The following DNAJC6 variants were observed in gnomAD, a reference collection of about 807,000 sequenced individuals.
DNAJC6 encodes auxilin.
A neutral mutation model predicts 110.0 loss-of-function variants in DNAJC6; 34 were observed. The ratio of observed to expected loss-of-function variants is 0.31; its 90% CI spans 0.24 to 0.41. DNAJC6 has a LOEUF of 0.41. DNAJC6 is among the 10% of genes least tolerant of loss of function. DNAJC6 has a pLI of 1.00. For missense variants in DNAJC6, 1,031 were observed against 1,207.8 expected, an observed-to-expected ratio of 0.85 and a Z score of 2.17; for synonymous variants, 406 against 437.2, an observed-to-expected ratio of 0.93 and a Z score of 0.89.
chr1:65,309,986 G>A (rs1352623677), intron 1 of DNAJC6, 48 bp downstream of exon 1: 41 of 1,362,662 alleles, frequency 3.0e-5, no homozygotes, highest in Non-Finnish European at 3.8e-5. Context: ...CGCGGCCTCC[G>A]GAGCCTCCCA....
intron 13 of DNAJC6, among the ~76,000 whole-genome samples, chr1:65,395,792 C>T (rs1352728942): frequency 6.6e-6 from 1 of 152,054 alleles, no homozygotes; most frequent in African/African-American, 2.4e-5. Flanking sequence ...ATGTTAGAGA[C>T]TTAGGTTGTA....
chr1:65,281,793 A>G (rs11208620), intron 1 of DNAJC6, among the ~76,000 whole-genome samples: 4,127 of 152,124 alleles, frequency 0.027, 186 homozygotes, highest in African/African-American at 0.094. Flanking sequence ...TATTTTTAGT[A>G]GAAATGGGGT....
intron 1 of DNAJC6, among the ~76,000 whole-genome samples, chr1:65,311,934 C>A (rs945514777): frequency 6.6e-6 from 1 of 152,042 alleles, no homozygotes; most frequent in Admixed American, 6.5e-5. Context: ...ATCCTTCTGG[C>A]CTCTAGGGGA....
chr1:65,327,000 G>T (rs79164368), intron 1 of DNAJC6, among the ~76,000 whole-genome samples: 1 of 152,194 alleles, frequency 6.6e-6, no homozygotes, highest in African/African-American at 2.4e-5. Flanking sequence ...TGGCCCTCAA[G>T]TTGCTCTTTT....
intron 1 of DNAJC6, 94 bp downstream of exon 1, chr1:65,310,032 C>T (rs1475139550): frequency 1.2e-5 from 16 of 1,349,708 alleles, no homozygotes; most frequent in African/African-American, 3.1e-5. Context: ...GGTCCCCCAG[C>T]CCCGGTTTGC....
At chr1:65,292,173 C>A (rs1202465107) in intron 1 of DNAJC6, among the ~76,000 whole-genome samples, 1 of 151,926 alleles carries the variant, frequency 6.6e-6, no homozygotes, top group Non-Finnish European at 1.5e-5. Flanking sequence ...CCTGCCACCA[C>A]ACCTGGCTAA....
intron 1 of DNAJC6, among the ~76,000 whole-genome samples, chr1:65,296,822 G>A (rs1032027180): frequency 6.6e-6 from 1 of 151,904 alleles, no homozygotes; most frequent in Non-Finnish European, 1.5e-5. Flanking sequence ...TCCTGACCTC[G>A]TGATCCACCT....
At position 65,379,446 on chromosome 1, in the gene DNAJC6, C is replaced by T; in HGVS notation, c.588C>T (p.His196=). 6.2e-7 allele frequency: 1 copy of T among 1,614,118 alleles called. No individual in the cohort carries two copies. Among genetic ancestry groups the T allele is most frequent in the Non-Finnish European group, 8.5e-7 (1 of 1,179,988 alleles). ...CCATTAGGCAGGCTCCCAGTCTGCA[C>T]AACCTTTTTGCTGTGTGTCGGAATA... ...SWPIRQAPSL[H]NLFAVCRNMY... The change falls in exon 5 of 19, where the codon CAC becomes CAT. Residue 196 remains histidine, a synonymous_variant. Transcript: ENST00000371069.
rs773538837 is a variant in DNAJC6 at position 65,264,944 on chromosome 1, A to G, written c.-131+12A>G. 3 of 1,612,604 alleles carry G rather than the reference A, an allele frequency of 1.9e-6. No individual in the cohort carries two copies. In the African/African-American group the frequency reaches 4.0e-5, roughly 22 times the overall value. On this transcript the variant is annotated intron_variant, in intron 1 of 19. Transcript: ENST00000263441. ...TTCTGAAAATAAAGGTAAGGGGCGGACTGCAGAAAGATGGCTAAGAGAGGG... is the reference window on the plus strand; with the variant it reads ...TTCTGAAAATAAAGGTAAGGGGCGGGCTGCAGAAAGATGGCTAAGAGAGGG...
chr1:65,389,201 T>A, intron 9 of DNAJC6, 55 bp from the exon 10 acceptor site: 1 of 1,515,198 alleles, frequency 6.6e-7, no homozygotes, highest in Non-Finnish European at 9.0e-7. Flanking sequence ...GTGCCAAACA[T>A]CATACCAGTT....
chr1:65,277,859 G>A (rs1158606725), intron 1 of DNAJC6, among the ~76,000 whole-genome samples: 8 of 152,188 alleles, frequency 5.3e-5, no homozygotes, highest in South Asian at 2.1e-4. Flanking sequence ...TCGAAGAGAC[G>A]TCTGGCTCTG....
At chr1:65,379,772 A>G (rs1404367873) in intron 5 of DNAJC6, 1 of 342,276 alleles carries the variant, frequency 2.9e-6, no homozygotes, top group African/African-American at 2.1e-5. Context: ...GAATGTGCTA[A>G]GTATTATAAA....
chr1:65,307,576 G>T (rs146889001), upstream of DNAJC6, among the ~76,000 whole-genome samples: 1 of 152,054 alleles, frequency 6.6e-6, no homozygotes, highest in Non-Finnish European at 1.5e-5. Context: ...ACTGAGGCTG[G>T]TTCTAAATTC....
Position 65,388,540 on chromosome 1 carries a change from T to A in DNAJC6, c.1193+125T>A. On this transcript the variant is annotated intron_variant, in intron 9 of 18. Transcript: ENST00000371069. ...TGCTGAACTACTGAGTGTCACTCAG[T>A]AGCACAGAGAGGCTGTGGGCATTCT... 4 of 842,234 alleles carry A rather than the reference T, an allele frequency of 4.7e-6. 1 individual carries two copies. The highest frequency in any genetic ancestry group is 5.9e-6 in the Non-Finnish European group (3 of 505,010). The allele number at this position is 842,234 out of a possible 1,614,324, so 52.2% of individuals were successfully genotyped here.
chr1:65,311,710 G>A (rs1645103659), intron 1 of DNAJC6, among the ~76,000 whole-genome samples: 1 of 152,120 alleles, frequency 6.6e-6, no homozygotes, highest in South Asian at 2.1e-4. Flanking sequence ...CAATTGAAAT[G>A]AAAACAAACA....
chr1:65,331,931 T>C (rs1169737524), intron 1 of DNAJC6, among the ~76,000 whole-genome samples: 1 of 152,180 alleles, frequency 6.6e-6, no homozygotes, highest in Non-Finnish European at 1.5e-5. Flanking sequence ...CACATTGTTA[T>C]GATACCAAGC....
At chr1:65,400,974 T>A (rs1373461331) in intron 14 of DNAJC6, among the ~76,000 whole-genome samples, 1 of 152,196 alleles carries the variant, frequency 6.6e-6, no homozygotes, top group Non-Finnish European at 1.5e-5. Flanking sequence ...TCTACATCCT[T>A]GCCAACATGT....
intron 1 of DNAJC6, among the ~76,000 whole-genome samples, chr1:65,302,023 A>T (rs1644984137): frequency 6.7e-6 from 1 of 148,796 alleles, no homozygotes; most frequent in Non-Finnish European, 1.5e-5. Flanking sequence ...GGTTTTGTTT[A>T]CTATGTCGAG....
intron 1 of DNAJC6, among the ~76,000 whole-genome samples, chr1:65,318,931 G>T (rs577668387): frequency 6.6e-6 from 1 of 152,304 alleles, no homozygotes; most frequent in South Asian, 2.1e-4. Context: ...TAGGAGGAAG[G>T]GGAGGGGTGT....
Sources: gnomAD v4.1 joint callset for allele counts (sites outside exome capture counted in the v4.1 genomes callset) on GRCh38, gnomAD v4.1.1 for gene constraint, MANE v1.5 for transcripts, NCBI Gene and HGNC (gene_info 2026-07-23, HGNC 2026-07-21) for gene names.